Variants in CAST observed in about 807,000 individuals in gnomAD.
CAST encodes calpastatin, also known as MIR583 host.
In CAST, 76 loss-of-function variants were observed where a neutral mutation model predicts 119.6. The observed-to-expected ratio is 0.64, with a 90% CI of 0.53 to 0.77. CAST has a LOEUF of 0.77. Ranked by LOEUF, CAST falls within the 30% of genes least tolerant of loss-of-function variation. The pLI is 0.00. For synonymous variants in CAST, 319 were observed against 331.6 expected, an observed-to-expected ratio of 0.96 and a Z score of 0.41; for missense variants, 953 against 946.5, an observed-to-expected ratio of 1.01 and a Z score of -0.09.
chr5:96,425,008 AAAAGAAAGAAAGAAAGAAAGAAAGAAAG>A, the CAST span, among the ~76,000 whole-genome samples: 1,727 of 117,508 alleles, frequency 0.015, 18 homozygotes, highest in South Asian at 0.041. Context: ...AGAAAGAAAG[AAAAGAAAGAAAGAAAGAAAGAAAGAAAG>A]AAAGAAAGAA....
chr5:96,078,879 G>A, the CAST span, among the ~76,000 whole-genome samples: 3 of 152,052 alleles, frequency 2.0e-5, no homozygotes, highest in South Asian at 6.2e-4. Context: ...AGTGGGAGCT[G>A]AATGATGAGA....
the CAST span, among the ~76,000 whole-genome samples, chr5:96,149,818 T>G: frequency 1.3e-5 from 2 of 152,230 alleles, no homozygotes; most frequent in African/African-American, 2.4e-5. Flanking sequence ...CAGGCATTTT[T>G]GGACTTGAAA....
At chr5:96,016,467 A>G in the CAST span, among the ~76,000 whole-genome samples, 3 of 152,216 alleles carry the variant, frequency 2.0e-5, no homozygotes, top group African/African-American at 7.2e-5. Flanking sequence ...GCTGATAAGC[A>G]TTTTGAAAGC....
chr5:96,631,198 T>C (rs1338569249), intron 1 of CAST: 2 of 140,672 alleles, frequency 1.4e-5, no homozygotes, highest in African/African-American at 5.0e-5. Context: ...ATCACCACTA[T>C]CTAACTCCAG....
the CAST span, among the ~76,000 whole-genome samples, chr5:96,482,884 A>G: frequency 6.6e-6 from 1 of 152,298 alleles, no homozygotes. Flanking sequence ...GGAAATGGTT[A>G]AAGGTCCAAA....
chr5:96,281,613 C>A, the CAST span, among the ~76,000 whole-genome samples: 182 of 152,252 alleles, frequency 1.2e-3, no homozygotes, highest in African/African-American at 4.3e-3. Flanking sequence ...TTCTGCCTTG[C>A]CATCCCTGGT....
rs569605574 is a variant in CAST, at chr5:96,724,440, C to A, written c.270+1742C>A. ...TCAAGCAGTCCTCCCATCTCAGCCTCCCAAAGTGCTGGGATTACAGGCATG... is the reference window on the plus strand; with the variant it reads ...TCAAGCAGTCCTCCCATCTCAGCCTACCAAAGTGCTGGGATTACAGGCATG... On this transcript the variant is annotated intron_variant, in intron 4 of 31. Coordinates refer to ENST00000675179, the MANE Select transcript of CAST (RefSeq NM_001750.7). Among the ~76,000 whole-genome samples, 11 of 152,194 alleles carry A rather than the reference C, an allele frequency of 7.2e-5. No individual in the cohort carries two copies. In the South Asian group the frequency reaches 2.3e-3, roughly 32 times the overall value.
chr5:96,308,028 A>G, the CAST span, among the ~76,000 whole-genome samples: 1 of 152,226 alleles, frequency 6.6e-6, no homozygotes, highest in South Asian at 2.1e-4. Flanking sequence ...GTTCTCCTGG[A>G]TAATATCCTG....
the CAST span, among the ~76,000 whole-genome samples, chr5:96,249,736 T>G: frequency 1.3e-5 from 2 of 152,216 alleles, no homozygotes; most frequent in African/African-American, 4.8e-5. Context: ...ATATTCACTC[T>G]ATCAAACAGA....
At chr5:96,661,443 A>AG (rs1561444086), upstream of CAST, among the ~76,000 whole-genome samples, 1 of 131,490 alleles carries the variant, frequency 7.6e-6, no homozygotes, top group African/African-American at 3.0e-5. Flanking sequence ...AAAAAAAAAA[A>AG]GGCTCTGCCT....
chr5:96,466,441 A>T, the CAST span, among the ~76,000 whole-genome samples: 2 of 152,078 alleles, frequency 1.3e-5, no homozygotes, highest in Non-Finnish European at 2.9e-5. Context: ...GAAAGAGCAC[A>T]CTCAGAGCAG....
the CAST span, among the ~76,000 whole-genome samples, chr5:96,310,739 C>G: frequency 6.7e-6 from 1 of 150,144 alleles, no homozygotes; most frequent in Non-Finnish European, 1.5e-5. Flanking sequence ...TCTTTTGATC[C>G]TTTGTATTTT....
At chr5:95,998,466 T>C in the CAST span, among the ~76,000 whole-genome samples, 1 of 152,122 alleles carries the variant, frequency 6.6e-6, no homozygotes, top group African/African-American at 2.4e-5. Flanking sequence ...TGCATGTCCA[T>C]GTACCCCAGT....
the CAST span, among the ~76,000 whole-genome samples, chr5:96,517,028 G>A: frequency 7.9e-5 from 12 of 152,254 alleles, no homozygotes; most frequent in African/African-American, 2.6e-4. Flanking sequence ...GGTTTTAGCA[G>A]TTACAGTCTC....
At chr5:96,473,270 G>A in the CAST span, among the ~76,000 whole-genome samples, 1 of 152,164 alleles carries the variant, frequency 6.6e-6, no homozygotes, top group African/African-American at 2.4e-5. Flanking sequence ...GAGTAAACAG[G>A]AAATTACAAC....
chr5:96,204,635 T>G, the CAST span, among the ~76,000 whole-genome samples: 1 of 152,066 alleles, frequency 6.6e-6, no homozygotes, highest in East Asian at 1.9e-4. Flanking sequence ...CTAAAGGGAC[T>G]GCTGCTCACC....
chr5:96,399,917 G>GGGT, the CAST span: 1 of 1,468,416 alleles, frequency 6.8e-7, no homozygotes, highest in South Asian at 1.1e-5. Flanking sequence ...TTATGCCATG[G>GGGT]GCACACATGT....
chr5:96,153,731 GA>G, the CAST span, among the ~76,000 whole-genome samples: 1 of 152,126 alleles, frequency 6.6e-6, no homozygotes, highest in South Asian at 2.1e-4. Flanking sequence ...AGGCTAGACT[GA>G]AAATGTCTGT....
At chr5:95,978,087 G>A in the CAST span, among the ~76,000 whole-genome samples, 1 of 151,758 alleles carries the variant, frequency 6.6e-6, no homozygotes, top group Non-Finnish European at 1.5e-5. Flanking sequence ...CTTTACTATT[G>A]TGAATAGTGC....
Sources: allele counts gnomAD v4.1 joint callset (sites outside exome capture counted in the v4.1 genomes callset), GRCh38; gene constraint gnomAD v4.1.1; transcripts MANE v1.5; gene names NCBI Gene and HGNC (gene_info 2026-07-23, HGNC 2026-07-21).